PLCL2: variants seen among roughly 807,000 people sequenced by gnomAD.
PLCL2 encodes the protein inactive phospholipase C-like protein 2.
In PLCL2, 4 loss-of-function variants were observed where a neutral mutation model predicts 79.6. That is an observed-to-expected ratio of 0.05 (90% CI 0.02 to 0.11). PLCL2 has a LOEUF of 0.11. Ranked by LOEUF, PLCL2 falls within the 10% of genes least tolerant of loss-of-function variation. The probability of loss-of-function intolerance (pLI) is 1.00; values close to 1 mark genes in which losing one functional copy is unlikely to be tolerated. For synonymous variants in PLCL2, 484 were observed against 457.7 expected, an observed-to-expected ratio of 1.06 and a Z score of -0.73; for missense variants, 895 against 1,291.0, an observed-to-expected ratio of 0.69 and a Z score of 4.70.
Position 16,902,243 on chromosome 3 carries a change from G to A in PLCL2, c.327+16877G>A, listed in dbSNP as rs531280066. Among the ~76,000 whole-genome samples the A allele has an allele frequency of 8.7e-4, 133 of 152,320 alleles. 1 individual carries two copies. Among genetic ancestry groups the A allele is most frequent in the Non-Finnish European group, 1.7e-3 (119 of 68,038 alleles). The stretch of plus-strand genomic sequence containing the variant: ...TTATGGCCATTGAATCGGACTGGAT[G>A]AAAGAGAGAGTATTTTTTTTAAGGA... On this transcript the variant is annotated intron_variant, in intron 1 of 5. Coordinates refer to ENST00000615277, the MANE Select transcript of PLCL2 (RefSeq NM_001144382.2).
chr3:17,085,701 G>A (rs961702806), intron 5 of PLCL2, among the ~76,000 whole-genome samples: 8 of 142,292 alleles, frequency 5.6e-5, no homozygotes, highest in African/African-American at 1.6e-4. Context: ...CGCCCGCCTC[G>A]GCCTCCCAAA....
At chr3:17,078,945 A>T (rs2065134891) in intron 5 of PLCL2, among the ~76,000 whole-genome samples, 1 of 152,190 alleles carries the variant, frequency 6.6e-6, no homozygotes, top group Admixed American at 6.5e-5. Context: ...TGGCTCAGAA[A>T]ATCAAACTAT....
intron 1 of PLCL2, among the ~76,000 whole-genome samples, chr3:16,986,679 AG>A (rs2124992277): frequency 6.6e-6 from 1 of 152,224 alleles, no homozygotes; most frequent in East Asian, 1.9e-4. Flanking sequence ...CTGGGATTAC[AG>A]GCATGAGCCA....
At chr3:16,928,983 C>T (rs969279774) in intron 1 of PLCL2, among the ~76,000 whole-genome samples, 4 of 151,514 alleles carry the variant, frequency 2.6e-5, no homozygotes, top group Non-Finnish European at 5.9e-5. Flanking sequence ...TTAGAATTTT[C>T]TCAAGGTTAG....
At position 17,010,486 on chromosome 3, in the gene PLCL2, A is replaced by G; in HGVS notation, c.1140A>G (p.Ile380Met). 6.2e-7 allele frequency: 1 copy of G among 1,614,138 alleles called. No individual in the cohort carries two copies. Among genetic ancestry groups the G allele is most frequent in the Non-Finnish European group, 8.5e-7 (1 of 1,180,012 alleles). Residue 380 changes from isoleucine (I) to methionine (M), a missense_variant, in exon 2 of 6, where the codon ATA becomes ATG. Ile to Met is a conservative substitution (Grantham distance 10, BLOSUM62 1). Coordinates refer to ENST00000615277, the MANE Select transcript of PLCL2 (RefSeq NM_001144382.2). The surrounding 1 kb of genome is among the most constrained non-coding windows in gnomAD (Gnocchi z 5.8). ...EQGVAHINEE[I>M]SLEIIHKYEP... ...GTGTGGCACATATAAATGAGGAAAT[A>G]AGCCTTGAAATTATTCACAAATATG...
rs2065026764 is a variant in PLCL2, at chr3:17,067,996, G to A, written c.3135G>A (p.Lys1045=). ...AACACTTGCACAGCATAGGCACCAA[G>A]GAAGGTTTGAAGGAAAGAAAACTAC... ...FHEHLHSIGT[K]EGLKERKLQK... is the part of the protein sequence containing the mutation. Residue 1045 remains lysine (K), a synonymous_variant, in exon 5 of 6, where the codon AAG becomes AAA. Coordinates refer to ENST00000615277, the MANE Select transcript of PLCL2 (RefSeq NM_001144382.2). The A allele has an allele frequency of 6.2e-7, 1 of 1,612,380 alleles. No individual in the cohort carries two copies. The highest frequency in any genetic ancestry group is 1.1e-5 in the South Asian group (1 of 90,904).
At chr3:17,031,972 T>C (rs1186514970) in intron 3 of PLCL2, among the ~76,000 whole-genome samples, 1 of 150,656 alleles carries the variant, frequency 6.6e-6, no homozygotes, top group Non-Finnish European at 1.5e-5. Flanking sequence ...AATATCAAAT[T>C]GTTCAGGACC....
In PLCL2 at chr3:16,969,853, A is replaced by G. The variant is rs562643681; in HGVS notation, c.328-39821A>G. On this transcript the variant is annotated intron_variant, in intron 1 of 5. Transcript: ENST00000615277. ...TAGGTTGTTCATTTGAGATCCTTCTAACTTTTTAATGTGGGCGTTTATCTG... is the reference window on the plus strand; with the variant it reads ...TAGGTTGTTCATTTGAGATCCTTCTGACTTTTTAATGTGGGCGTTTATCTG... 7.3e-5 allele frequency among the ~76,000 whole-genome samples: 11 copies of G among 151,702 alleles called. No individual in the cohort carries two copies. The South Asian group carries it at 2.1e-3, about 29-fold the overall frequency.
chr3:17,088,864 G>A (rs1055094876), intron 5 of PLCL2, among the ~76,000 whole-genome samples: 22 of 152,228 alleles, frequency 1.4e-4, no homozygotes, highest in Admixed American at 8.5e-4. Flanking sequence ...GCTTCAATTC[G>A]CCCACTGTTT....
chr3:16,955,554 A>G (rs1234890823), intron 1 of PLCL2, among the ~76,000 whole-genome samples: 3 of 152,092 alleles, frequency 2.0e-5, no homozygotes, highest in Admixed American at 6.5e-5. Context: ...GTTTTTTCCA[A>G]TTCTGTGAAG....
intron 4 of PLCL2, among the ~76,000 whole-genome samples, chr3:17,059,378 CA>C (rs57060253): frequency 0.079 from 8,883 of 111,812 alleles, 259 homozygotes; most frequent in African/African-American, 0.12. Context: ...GAATCTGTCT[CA>C]AAAAAAAAAA....
At chr3:17,040,789 G>A (rs1472217258) in intron 3 of PLCL2, among the ~76,000 whole-genome samples, 4 of 152,130 alleles carry the variant, frequency 2.6e-5, no homozygotes, top group African/African-American at 4.8e-5. Context: ...TGTTTCTGCC[G>A]CTACACCACT....
rs559081908 is a variant in PLCL2 at position 16,979,697 on chromosome 3, C to G, written c.328-29977C>G. On this transcript the variant is annotated intron_variant, in intron 1 of 5. Coordinates refer to ENST00000615277, the MANE Select transcript of PLCL2 (RefSeq NM_001144382.2). ...AGGATCCCAAGGCAGAAGAATTTTT[C>G]TTAGTACAGAACAAAATGAAAAGTC... Among the ~76,000 whole-genome samples, 61 of 146,300 alleles carry G rather than the reference C, an allele frequency of 4.2e-4. No individual in the cohort carries two copies. The South Asian group carries it at 0.014, about 33-fold the overall frequency.
intron 5 of PLCL2, among the ~76,000 whole-genome samples, chr3:17,074,314 T>C (rs569112265): frequency 6.6e-6 from 1 of 152,368 alleles, no homozygotes; most frequent in African/African-American, 2.4e-5. Flanking sequence ...GAATCTTTTT[T>C]ACTGAGCAGT....
chr3:16,954,967 T>G (rs1023237112), intron 1 of PLCL2, among the ~76,000 whole-genome samples: 2 of 152,234 alleles, frequency 1.3e-5, no homozygotes, highest in African/African-American at 2.4e-5. Flanking sequence ...GTTCTCCCAT[T>G]CTGTAGGTTG....
chr3:16,947,360 A>G (rs947659736), intron 1 of PLCL2, among the ~76,000 whole-genome samples: 3 of 152,208 alleles, frequency 2.0e-5, no homozygotes, highest in African/African-American at 7.2e-5. Context: ...GAGATTGGAC[A>G]ACAGGAGATT....
chr3:17,081,096 T>A (rs767053640), intron 5 of PLCL2: 1 of 448,246 alleles, frequency 2.2e-6, no homozygotes, highest in Non-Finnish European at 4.5e-6. Flanking sequence ...AGAATGGTAA[T>A]AGCACTTCCC....
Position 16,951,213 on chromosome 3 carries a change from C to T in PLCL2, c.328-58461C>T, listed in dbSNP as rs199582688. ...ACCTAAAATGACCTGAGCATTGTGC[C>T]GTTTTAAGAGGTAGATCTTTGAGCA... On this transcript the variant is annotated intron_variant, in intron 1 of 5. Coordinates refer to ENST00000615277, the MANE Select transcript of PLCL2 (RefSeq NM_001144382.2). 1.6e-4 allele frequency among the ~76,000 whole-genome samples: 24 copies of T among 151,880 alleles called. No homozygotes were observed. In the East Asian group the frequency reaches 4.1e-3, roughly 26 times the overall value.
chr3:17,004,210 T>C (rs150557926), intron 1 of PLCL2, among the ~76,000 whole-genome samples: 1 of 152,290 alleles, frequency 6.6e-6, no homozygotes, highest in Non-Finnish European at 1.5e-5. Context: ...TTGGGCTTTT[T>C]CTTGTTAGGG....
Sources: gnomAD v4.1 joint callset for allele counts (sites outside exome capture counted in the v4.1 genomes callset) on GRCh38, gnomAD v4.1.1 for gene constraint, Gnocchi (gnomAD v3.1) non-coding constraint, MANE v1.5 for transcripts, NCBI Gene and HGNC (gene_info 2026-07-23, HGNC 2026-07-21) for gene names.